Variants in BAHCC1 observed in about 807,000 individuals in gnomAD.
The protein encoded by BAHCC1 is BAH and coiled-coil domain-containing protein 1.
In BAHCC1, 43 loss-of-function variants were observed where a neutral mutation model predicts 88.2. The ratio of observed to expected loss-of-function variants is 0.49; its 90% confidence interval spans 0.38 to 0.63. The LOEUF is 0.63. Among genes scored for constraint, BAHCC1 ranks in the 20% least tolerant of loss-of-function variants. The pLI, the probability that BAHCC1 is intolerant of heterozygous loss-of-function variation, is 0.00. For missense variants in BAHCC1, 3,023 were observed against 1,654.8 expected (o/e 1.83, Z -14.34); for synonymous variants, 1,510 against 745.5 (o/e 2.03, Z -16.71).
intron 2 of BAHCC1, among the ~76,000 whole-genome samples, chr17:81,413,647 G>T (rs1318108093): frequency 6.6e-6 from 1 of 152,218 alleles, no homozygotes; most frequent in African/African-American, 2.4e-5. Flanking sequence ...CAGCCACAAG[G>T]CCGCGGGGGC....
At chr17:81,455,047 G>A (rs980459260) in intron 14 of BAHCC1, among the ~76,000 whole-genome samples, 8 of 152,228 alleles carry the variant, frequency 5.3e-5, no homozygotes, top group African/African-American at 1.4e-4. Context: ...GCTGAGGGCC[G>A]GTGGTTGGCA....
intron 2 of BAHCC1, among the ~76,000 whole-genome samples, chr17:81,403,582 C>G (rs1212419769): frequency 6.6e-6 from 1 of 151,862 alleles, no homozygotes; most frequent in Non-Finnish European, 1.5e-5. Context: ...GTGAAAAGAC[C>G]CCATCACAGG....
chr17:81,444,883 A>G (rs2064494094), intron 8 of BAHCC1, 57 bp downstream of exon 8: 3 of 723,740 alleles, frequency 4.1e-6, no homozygotes, highest in Non-Finnish European at 7.6e-6. Flanking sequence ...AAGGAGGGGC[A>G]GCCGGGGGTG....
Position 81,456,582 on chromosome 17 carries a change from G to A in BAHCC1, c.4855G>A (p.Ala1619Thr), listed in dbSNP as rs1014975204. 6.6e-5 allele frequency: 46 copies of A among 700,694 alleles called. No homozygotes were observed. The Middle Eastern group carries it at 8.5e-4, about 13-fold the overall frequency. 43.4% of individuals were successfully genotyped at this position (700,694 alleles called of 1,614,324 possible). ...AQPSVAASQE[A>T]GSGYDSEDCE... ...GCCCTCCGTGGCTGCGTCCCAGGAG[G>A]CAGGCAAGTTGCTGGCGTGAGTGGC... Residue 1619 changes from alanine (A) to threonine (T), a missense_variant, in exon 16 of 28, where the codon GCA becomes ACA. By Grantham distance (58) the Ala-to-Thr change is moderately conservative. Transcript: ENST00000675386.
intron 3 of BAHCC1, among the ~76,000 whole-genome samples, chr17:81,437,850 C>T (rs118120618): frequency 0.013 from 1,992 of 152,316 alleles, 17 homozygotes; most frequent in Middle Eastern, 0.024. Context: ...GGGAACTCGG[C>T]GTCGGATGGA....
chr17:81,426,501 G>A lies in BAHCC1; in HGVS notation c.179-299G>A. ...AGTGGTGGGTGATATGGCTCGTGGT[G>A]GTGGTGGTGGTGATGTGCTTGTGAC... On this transcript the variant is annotated intron_variant, in intron 2 of 27. Coordinates refer to ENST00000675386, the MANE Select transcript of BAHCC1 (RefSeq NM_001377448.1). Among the ~76,000 whole-genome samples the A allele has an allele frequency of 2.6e-5, 4 of 151,652 alleles. 1 individual carries two copies. The highest frequency in any genetic ancestry group is 2.6e-4 in the Admixed American group (4 of 15,258).
chr17:81,445,746 A>AGGGCTGCGCTGAATCC (rs2064515035), intron 10 of BAHCC1, 65 bp downstream of exon 10: 1 of 684,246 alleles, frequency 1.5e-6, no homozygotes, highest in East Asian at 2.7e-5. Flanking sequence ...CCTGCCCGGC[A>AGGGCTGCGCTGAATCC]GGGCTGCGCT....
In BAHCC1 at chr17:81,442,970, G is replaced by A. The variant is rs1229405591; in HGVS notation, c.1621G>A (p.Val541Met). 3 of 779,204 alleles carry A rather than the reference G, an allele frequency of 3.9e-6. No individual in the cohort carries two copies. The East Asian group carries it at 7.3e-5, about 19-fold the overall frequency. 48.3% of individuals were successfully genotyped at this position (779,204 alleles called of 1,614,324 possible). A position where few individuals can be genotyped will look rare whatever the true frequency, so the allele number is the denominator to read the frequency against. ...GGCCGGCCCCCCAGGGGCACAGAAG[G>A]TGGCCCGCATCAGGCACCAGCAGCA... ...APAGPPGAQK[V>M]ARIRHQQHLM... The change falls in exon 5 of 28, where the codon GTG becomes ATG. Residue 541 changes from valine to methionine, a missense_variant. By Grantham distance (21) the Val-to-Met change is conservative. Coordinates refer to ENST00000675386, the MANE Select transcript of BAHCC1 (RefSeq NM_001377448.1).
Position 81,463,931 on chromosome 17 carries a change from A to G in BAHCC1, c.*114A>G. 4 of 653,068 alleles carry G rather than the reference A, an allele frequency of 6.1e-6. No homozygotes were observed. In the South Asian group the frequency reaches 6.7e-5, roughly 11 times the overall value. 40.5% of individuals were successfully genotyped at this position (653,068 alleles called of 1,614,324 possible). On this transcript the variant is annotated 3_prime_UTR_variant, in exon 28 of 28. Coordinates refer to ENST00000675386, the MANE Select transcript of BAHCC1 (RefSeq NM_001377448.1). ...CGGCCTCCCAAGGGCGCATCTGAGCAAATATGCAAAAGCCCACAGGGCAAG... is the reference window on the plus strand; with the variant it reads ...CGGCCTCCCAAGGGCGCATCTGAGCGAATATGCAAAAGCCCACAGGGCAAG...
At chr17:81,420,187 G>A (rs538104024) in intron 2 of BAHCC1, among the ~76,000 whole-genome samples, 61 of 152,346 alleles carry the variant, frequency 4.0e-4, no homozygotes, top group African/African-American at 1.1e-3. Flanking sequence ...TGCCCAGCAT[G>A]TGTTGCCCTT....
chr17:81,422,320 C>T (rs1403377173), intron 2 of BAHCC1, among the ~76,000 whole-genome samples: 1 of 152,206 alleles, frequency 6.6e-6, no homozygotes, highest in Non-Finnish European at 1.5e-5. Flanking sequence ...CTCTCTTGTG[C>T]TTTATTACCT....
rs1038925177 is a variant in BAHCC1, at chr17:81,434,426, G to A, written c.359-3944G>A. ...GGAGGCACTGCCGTTTGTCAGGATGGTGGGGTGTCCGCTGTAGAAGGTTTT... is the reference window on the plus strand; with the variant it reads ...GGAGGCACTGCCGTTTGTCAGGATGATGGGGTGTCCGCTGTAGAAGGTTTT... On this transcript the variant is annotated intron_variant, in intron 3 of 27. Transcript: ENST00000675386. This position sits in a 1 kb window ranked among gnomAD's most constrained non-coding sequence, Gnocchi z 4.9. Among the ~76,000 whole-genome samples the A allele has an allele frequency of 2.2e-4, 33 of 152,314 alleles. No homozygotes were observed. Among genetic ancestry groups the A allele is most frequent in the African/African-American group, 7.9e-4 (33 of 41,578 alleles).
In BAHCC1 at chr17:81,442,115, G is replaced by T. The variant is rs375318122; in HGVS notation, c.766G>T (p.Val256Leu). Residue 256 changes from valine (V) to leucine (L), a missense_variant, in exon 5 of 28, where the codon GTG (valine) becomes TTG (leucine). Coordinates refer to ENST00000675386, the MANE Select transcript of BAHCC1 (RefSeq NM_001377448.1). ...GGAGCGGCACAAGCTGGTGCTGCCC[G>T]TGCCAGCCGACGGGCACTGCAGGGA... ...GKERHKLVLP[V>L]PADGHCREGG... is the part of the protein sequence containing the mutation. The T allele has an allele frequency of 4.4e-6, 3 of 688,564 alleles. No individual in the cohort carries two copies. The highest frequency in any genetic ancestry group is 5.3e-5 in the East Asian group (2 of 37,762). The allele number at this position is 688,564 out of a possible 1,614,324, so 42.7% of individuals were successfully genotyped here.
chr17:81,413,452 C>T (rs1254408606), intron 2 of BAHCC1, among the ~76,000 whole-genome samples: 3 of 152,166 alleles, frequency 2.0e-5, no homozygotes, highest in African/African-American at 7.2e-5. Flanking sequence ...TCTGTCTTCC[C>T]CCCACACCAC....
At chr17:81,408,697 C>T (rs1255345121) in intron 2 of BAHCC1, among the ~76,000 whole-genome samples, 3 of 152,204 alleles carry the variant, frequency 2.0e-5, no homozygotes, top group Admixed American at 6.5e-5. Flanking sequence ...TTCTTGTCCC[C>T]TTCTATGACC....
rs782088928 is a variant in BAHCC1, at chr17:81,461,706, G to C, written c.7043G>C (p.Ser2348Thr). The change falls in exon 26 of 28, where the codon AGC (serine) becomes ACC (threonine). Residue 2348 changes from serine (S) to threonine (T), a missense_variant. Transcript: ENST00000675386. ...TCCGACAACGAGGACTCGTCCTACA[G>C]CTCAGACGACGAGGACCCGGCTCTG... ...CSSDNEDSSY[S>T]SDDEDPALLL... The C allele has an allele frequency of 2.8e-6, 2 of 719,746 alleles. No homozygotes were observed. Among genetic ancestry groups the C allele is most frequent in the South Asian group, 3.0e-5 (2 of 67,732 alleles). The allele number at this position is 719,746 out of a possible 1,614,324, so 44.6% of individuals were successfully genotyped here.
At chr17:81,436,081 C>T (rs1489998737) in intron 3 of BAHCC1, among the ~76,000 whole-genome samples, 1 of 152,004 alleles carries the variant, frequency 6.6e-6, no homozygotes, top group Admixed American at 6.5e-5. Context: ...CGGCACCCAG[C>T]CCCTCCCTCT....
rs782444053 is a variant in BAHCC1, at chr17:81,458,806, C to A, written c.5449-7C>A. On this transcript the variant is annotated splice_region_variant and splice_polypyrimidine_tract_variant and intron_variant, in intron 19 of 27. Transcript: ENST00000675386. ...CCCCACCCAAGCCTGACTCCTCTGG[C>A]CCCCAGGGCAAGGGCCGGGCCGTGA... is the stretch of plus-strand genomic sequence containing the variant. The A allele has an allele frequency of 5.2e-6, 4 of 762,202 alleles. No homozygotes were observed. Among genetic ancestry groups the A allele is most frequent in the Admixed American group, 3.4e-5 (2 of 58,100 alleles). The allele number at this position is 762,202 out of a possible 1,614,324, so 47.2% of individuals were successfully genotyped here.
chr17:81,462,017 C>T lies in BAHCC1; in HGVS notation c.7354C>T (p.Leu2452Phe). Reference protein sequence around the residue: ...KISAFLPARQLWKWSGNPTQR... With the variant: ...KISAFLPARQFWKWSGNPTQR... ...CTCAGCCTTCCTGCCCGCCCGGCAGCTCTGGAAGTGGTCGGGGAATCCCAC... is the reference window on the plus strand; with the variant it reads ...CTCAGCCTTCCTGCCCGCCCGGCAGTTCTGGAAGTGGTCGGGGAATCCCAC... The change falls in exon 26 of 28, where the codon CTC (leucine) becomes TTC (phenylalanine). Residue 2452 changes from leucine (L) to phenylalanine (F), a missense_variant. Leu to Phe is a conservative substitution (Grantham distance 22). Coordinates refer to ENST00000675386, the MANE Select transcript of BAHCC1 (RefSeq NM_001377448.1). 1.3e-6 allele frequency: 1 copy of T among 777,948 alleles called. No homozygotes were observed. The highest frequency in any genetic ancestry group is 2.4e-6 in the Non-Finnish European group (1 of 417,196). 48.2% of individuals were successfully genotyped at this position (777,948 alleles called of 1,614,324 possible). A position where few individuals can be genotyped will look rare whatever the true frequency, so the allele number is the denominator to read the frequency against.
Sources: gnomAD v4.1 joint callset for allele counts (sites outside exome capture counted in the v4.1 genomes callset) on GRCh38, gnomAD v4.1.1 for gene constraint, Gnocchi (gnomAD v3.1) non-coding constraint, MANE v1.5 for transcripts, NCBI Gene and HGNC (gene_info 2026-07-23, HGNC 2026-07-21) for gene names.